Variants in PDK3 observed in about 807,000 individuals in gnomAD.
PDK3 encodes pyruvate dehydrogenase kinase, isozyme 3.
Under a neutral mutation model 32.0 loss-of-function variants are expected in PDK3, and 12 were observed. The ratio of observed to expected loss-of-function variants is 0.37; its 90% CI spans 0.24 to 0.61. PDK3 has a LOEUF of 0.61. Ranked by LOEUF, PDK3 falls within the 20% of genes least tolerant of loss-of-function variation. PDK3 has a pLI of 0.65. For missense variants in PDK3, 188 were observed against 316.9 expected (o/e 0.59, Z 3.09); for synonymous variants, 122 against 116.3 (o/e 1.05, Z -0.31).
chrX:24,523,094 G>A (rs1029772157), intron 6 of PDK3, among the ~76,000 whole-genome samples: 2 of 111,225 alleles, frequency 1.8e-5, no homozygotes, highest in African/African-American at 6.5e-5. Flanking sequence ...TGGAGGCTGG[G>A]ACATCCAAGA....
chrX:24,543,116 A>G (rs1284263878), exon 12 of PDK3, among the ~76,000 whole-genome samples: 1 of 112,387 alleles, frequency 8.9e-6, no homozygotes, highest in African/African-American at 3.2e-5. Context: ...TCGTTGGAGT[A>G]TATCTCAGGA....
At chrX:24,509,189 A>T (rs1247772871) in intron 5 of PDK3, among the ~76,000 whole-genome samples, 1 of 111,902 alleles carries the variant, frequency 8.9e-6, no homozygotes, top group Non-Finnish European at 1.9e-5. Flanking sequence ...GTTTATGCCA[A>T]TGTCTACCTC....
intron 7 of PDK3, among the ~76,000 whole-genome samples, chrX:24,526,863 C>A (rs1176748330): frequency 8.9e-6 from 1 of 111,941 alleles, no homozygotes; most frequent in Non-Finnish European, 1.9e-5. Flanking sequence ...TAGCTAATGA[C>A]ATTTACAGTA....
chrX:24,545,965 T>C (rs1185422061), exon 12 of PDK3: 1 of 112,229 alleles, frequency 8.9e-6, no homozygotes, highest in Non-Finnish European at 1.9e-5. Context: ...CCAGATCTTC[T>C]CAATGTTGTT....
chrX:24,546,947 A>G (rs1445405854), exon 12 of PDK3: 2 of 112,700 alleles, frequency 1.8e-5, no homozygotes, highest in Non-Finnish European at 3.7e-5. Context: ...TTGCCTTAAT[A>G]TCCTTACAGT....
At position 24,498,813 on chromosome X, in the gene PDK3, T is replaced by C. The variant is rs762991507; in HGVS notation, c.249-16T>C. Reference sequence around the variant, plus strand: ...ACATAGTAACTCTTCTTTTTCTTTTTTTTTTTTCCTTTTAGGTATATGCAG... The same window carrying C: ...ACATAGTAACTCTTCTTTTTCTTTTCTTTTTTTCCTTTTAGGTATATGCAG... On this transcript the variant is annotated splice_polypyrimidine_tract_variant and intron_variant, in intron 2 of 10. Coordinates refer to ENST00000379162, the MANE Select transcript of PDK3 (RefSeq NM_005391.5). 1.9e-6 allele frequency: 2 copies of C among 1,026,805 alleles called. No homozygotes were observed. The highest frequency in any genetic ancestry group is 3.2e-5 in the East Asian group (1 of 31,641). 84.6% of individuals were successfully genotyped at this position (1,026,805 alleles called of 1,213,427 possible).
In PDK3 at chrX:24,527,564, A is replaced by G. The variant is rs372774822; in HGVS notation, c.751-10A>G. 73 of 1,035,383 alleles carry G rather than the reference A, an allele frequency of 7.1e-5. No individual in the cohort carries two copies. Among genetic ancestry groups the G allele is most frequent in the Non-Finnish European group, 8.2e-5 (62 of 759,477 alleles). 85.3% of individuals were successfully genotyped at this position (1,035,383 alleles called of 1,213,427 possible). On this transcript the variant is annotated splice_polypyrimidine_tract_variant and intron_variant, in intron 7 of 10. Coordinates refer to ENST00000379162, the MANE Select transcript of PDK3 (RefSeq NM_005391.5). The stretch of plus-strand genomic sequence containing the variant: ...GCAGTATGATTAATAAAAAGATCTT[A>G]TTATTTTAGAACTCAATGAGAGCGA...
chrX:24,511,172 G>C (rs769892188), intron 5 of PDK3, among the ~76,000 whole-genome samples: 111 of 112,105 alleles, frequency 9.9e-4, no homozygotes, highest in Non-Finnish European at 1.5e-3. Context: ...ACCAATCCCT[G>C]CCAAGTGTTG....
intron 1 of PDK3, among the ~76,000 whole-genome samples, chrX:24,478,018 G>A (rs1233682108): frequency 8.9e-6 from 1 of 112,020 alleles, no homozygotes; most frequent in African/African-American, 3.3e-5. Flanking sequence ...TGCTTTTCTT[G>A]TGTACTAATT....
At chrX:24,474,509 G>A (rs990244005) in intron 1 of PDK3, among the ~76,000 whole-genome samples, 7 of 109,604 alleles carry the variant, frequency 6.4e-5, no homozygotes, top group African/African-American at 2.0e-4. Context: ...CGCCTCCCAG[G>A]TTCAAGCAGT....
chrX:24,473,400 CAAAA>C, intron 1 of PDK3, among the ~76,000 whole-genome samples: 1 of 109,081 alleles, frequency 9.2e-6, no homozygotes, highest in Non-Finnish European at 1.9e-5. Flanking sequence ...CAAACAAAAA[CAAAA>C]AAACCAACCA....
intron 5 of PDK3, among the ~76,000 whole-genome samples, chrX:24,510,249 T>A (rs929147269): frequency 1.3e-4 from 15 of 112,400 alleles, no homozygotes; most frequent in Admixed American, 1.1e-3. Context: ...CTTATATGAA[T>A]ATACTGACAG....
chrX:24,485,045 C>T (rs1472730015), intron 1 of PDK3, among the ~76,000 whole-genome samples: 4 of 111,686 alleles, frequency 3.6e-5, no homozygotes, highest in Middle Eastern at 4.2e-3. Context: ...TAAAATGGAA[C>T]ATCTAAATTT....
intron 9 of PDK3, among the ~76,000 whole-genome samples, chrX:24,528,440 T>G (rs1484212227): frequency 8.9e-6 from 1 of 112,329 alleles, no homozygotes; most frequent in Non-Finnish European, 1.9e-5. Flanking sequence ...AGAGAAAAAG[T>G]ACCTCATTGT....
chrX:24,483,802 T>C (rs971493967), intron 1 of PDK3, among the ~76,000 whole-genome samples: 1 of 110,781 alleles, frequency 9.0e-6, no homozygotes. Context: ...AGCCTTGACC[T>C]CCTGGGCTCA....
chrX:24,490,981 C>T (rs1204905935), intron 1 of PDK3, among the ~76,000 whole-genome samples: 1 of 110,985 alleles, frequency 9.0e-6, no homozygotes, highest in East Asian at 2.8e-4. Context: ...TCTACTTCTT[C>T]CCTATTCCAG....
At chrX:24,549,087 A>C (rs928202114) in exon 12 of PDK3, 2 of 111,951 alleles carry the variant, frequency 1.8e-5, no homozygotes, top group African/African-American at 6.5e-5. Flanking sequence ...CAAATGTTTA[A>C]TGAGCATGTT....
exon 12 of PDK3, chrX:24,546,024 C>A (rs923665288): frequency 5.4e-5 from 6 of 111,988 alleles, no homozygotes; most frequent in African/African-American, 1.9e-4. Flanking sequence ...TTAGTGATTC[C>A]TGAGTTTTTC....
At chrX:24,475,227 A>G (rs1374226939) in intron 1 of PDK3, among the ~76,000 whole-genome samples, 1 of 110,364 alleles carries the variant, frequency 9.1e-6, no homozygotes, top group Non-Finnish European at 1.9e-5. Flanking sequence ...TTCTGCTACA[A>G]GGTGTCACCA....
Sources: gnomAD v4.1 joint callset for allele counts (sites outside exome capture counted in the v4.1 genomes callset) on GRCh38, gnomAD v4.1.1 for gene constraint, MANE v1.5 for transcripts, NCBI Gene and HGNC (gene_info 2026-07-23, HGNC 2026-07-21) for gene names.